The following LRBA variants were observed in gnomAD, a reference collection of about 807,000 sequenced individuals.
LRBA encodes LPS responsive beige-like anchor protein.
LRBA carries 176 observed loss-of-function variants against 330.0 expected under a neutral mutation model. The observed-to-expected ratio is 0.53, with a 90% CI of 0.47 to 0.60. The LOEUF (loss-of-function observed/expected upper bound fraction) is 0.60, where lower values mean the gene tolerates loss of function less well. LRBA is among the 20% of genes least tolerant of loss of function. The pLI is 0.00. For missense variants in LRBA, 3,259 were observed against 3,444.8 expected (o/e 0.95, Z 1.35); for synonymous variants, 1,230 against 1,193.0 (o/e 1.03, Z -0.64).
chr4:150,532,035 G>C (rs932291031), intron 40 of LRBA, among the ~76,000 whole-genome samples: 11 of 152,208 alleles, frequency 7.2e-5, no homozygotes, highest in African/African-American at 2.7e-4. Flanking sequence ...AGTGAAAACT[G>C]AAGAATAAAG....
rs750545900 is a variant in LRBA, at chr4:150,583,014, G to C, written c.6330+5034C>G. The stretch of plus-strand genomic sequence containing the variant: ...ATTGCGAGACGCCGGTGTATAGCCC[G>C]GACCTGTGCCCCAACATGATCGCCG... On this transcript the variant is annotated intron_variant, in intron 40 of 56. Coordinates refer to ENST00000651943, the MANE Select transcript of LRBA (RefSeq NM_001364905.1). The surrounding 1 kb of genome is among the most constrained non-coding windows in gnomAD (Gnocchi z 9.8). 6.4e-7 allele frequency: 1 copy of C among 1,574,380 alleles called. No individual in the cohort carries two copies.
chr4:150,270,404 A>G (rs1400884925), intron 56 of LRBA, among the ~76,000 whole-genome samples: 3 of 152,238 alleles, frequency 2.0e-5, no homozygotes, highest in Non-Finnish European at 4.4e-5. Flanking sequence ...AGAACCTTGA[A>G]AGTGTTATGC....
intron 36 of LRBA, among the ~76,000 whole-genome samples, chr4:150,695,693 C>G (rs932805127): frequency 6.6e-6 from 1 of 152,076 alleles, no homozygotes; most frequent in African/African-American, 2.4e-5. Flanking sequence ...TGTATCTTCA[C>G]AAAATATGTA....
rs115411715 is a variant in LRBA at position 150,725,336 on chromosome 4, G to A, written c.5754+9922C>T. 6.6e-3 allele frequency among the ~76,000 whole-genome samples: 1,012 copies of A among 152,208 alleles called. 15 individuals are homozygous for A. The highest frequency in any genetic ancestry group is 0.02 in the Middle Eastern group (6 of 294). ...CAAGAATAAAGAAAGGATCCTAAAT[G>A]CAGCAAGAGAAAAGAAATCACATAC... is the stretch of plus-strand genomic sequence containing the variant. On this transcript the variant is annotated intron_variant, in intron 36 of 56. Transcript: ENST00000651943.
intron 46 of LRBA, among the ~76,000 whole-genome samples, chr4:150,420,333 A>G (rs1324266647): frequency 6.9e-6 from 1 of 145,950 alleles, no homozygotes; most frequent in Non-Finnish European, 1.5e-5. Flanking sequence ...ACATTATAGT[A>G]TAAAGTATAT....
At chr4:150,621,305 T>C (rs572765492) in intron 37 of LRBA, among the ~76,000 whole-genome samples, 16 of 152,274 alleles carry the variant, frequency 1.1e-4, no homozygotes, top group African/African-American at 3.6e-4. Flanking sequence ...CTTTTAGGAG[T>C]TGTATTTTTA....
chr4:151,012,678 T>G (rs1251010123), intron 2 of LRBA: 1 of 152,208 alleles, frequency 6.6e-6, no homozygotes, highest in Non-Finnish European at 1.5e-5. Flanking sequence ...TATTTGAACA[T>G]TTCCATAATA....
intron 40 of LRBA, chr4:150,584,190 C>G (rs1394940779): frequency 4.3e-6 from 6 of 1,398,280 alleles, no homozygotes; most frequent in Non-Finnish European, 3.7e-6. Flanking sequence ...AGCAGAAACT[C>G]TGGACACAAA....
At chr4:150,405,702 G>T (rs1392311006) in intron 47 of LRBA, among the ~76,000 whole-genome samples, 2 of 152,048 alleles carry the variant, frequency 1.3e-5, no homozygotes. Context: ...CTGAGTTGGA[G>T]CAAAGCTGCT....
intron 22 of LRBA, among the ~76,000 whole-genome samples, chr4:150,857,357 T>C (rs1751345205): frequency 6.6e-6 from 1 of 152,122 alleles, no homozygotes; most frequent in Non-Finnish European, 1.5e-5. Context: ...TAAAGGTTGG[T>C]AGTACAATCC....
chr4:150,773,665 G>A (rs1736881474), intron 34 of LRBA, among the ~76,000 whole-genome samples: 2 of 152,196 alleles, frequency 1.3e-5, no homozygotes, highest in South Asian at 4.1e-4. Flanking sequence ...GCAGTTCAGT[G>A]GCTTCCACCT....
At chr4:150,683,972 G>A (rs747695233) in intron 36 of LRBA, 3 of 335,712 alleles carry the variant, frequency 8.9e-6, no homozygotes, top group Non-Finnish European at 1.6e-5. Flanking sequence ...ATGAGACAAA[G>A]ACAGTCTTGT....
chr4:150,633,179 A>G (rs1169750346), intron 37 of LRBA, among the ~76,000 whole-genome samples: 1 of 152,230 alleles, frequency 6.6e-6, no homozygotes, highest in African/African-American at 2.4e-5. Context: ...AGCTGTGTGA[A>G]CAAGACATTT....
intron 40 of LRBA, among the ~76,000 whole-genome samples, chr4:150,503,063 A>T (rs935966038): frequency 2.4e-4 from 37 of 152,214 alleles, no homozygotes; most frequent in African/African-American, 8.7e-4. Flanking sequence ...GGAAGCTCGA[A>T]CTGGGTGGAG....
At chr4:150,448,328 T>C (rs1387110124) in intron 44 of LRBA, among the ~76,000 whole-genome samples, 3 of 152,222 alleles carry the variant, frequency 2.0e-5, no homozygotes, top group Non-Finnish European at 4.4e-5. Context: ...GTTGCTGTCA[T>C]TGTAACAACA....
At chr4:150,751,092 G>A (rs959769715) in intron 35 of LRBA, among the ~76,000 whole-genome samples, 3 of 151,972 alleles carry the variant, frequency 2.0e-5, no homozygotes, top group African/African-American at 7.3e-5. Context: ...GCAATTAACA[G>A]CAACACCATG....
intron 2 of LRBA, among the ~76,000 whole-genome samples, chr4:150,959,777 A>G (rs989762983): frequency 6.2e-5 from 9 of 145,678 alleles, no homozygotes; most frequent in Non-Finnish European, 1.0e-4. Flanking sequence ...TATACTTATT[A>G]TATTATCTAT....
chr4:150,409,782 C>T (rs908756616), intron 47 of LRBA, among the ~76,000 whole-genome samples: 3 of 152,042 alleles, frequency 2.0e-5, no homozygotes, highest in South Asian at 4.1e-4. Flanking sequence ...TAGGTGTCCT[C>T]GTTTTTTAAC....
At chr4:151,010,508 A>C (rs1408556796) in intron 2 of LRBA, among the ~76,000 whole-genome samples, 2 of 152,044 alleles carry the variant, frequency 1.3e-5, no homozygotes, top group Non-Finnish European at 2.9e-5. Flanking sequence ...AGAAATTATA[A>C]ACAGGGTAGT....
Sources: gnomAD v4.1 joint callset for allele counts (sites outside exome capture counted in the v4.1 genomes callset) on GRCh38, gnomAD v4.1.1 for gene constraint, Gnocchi (gnomAD v3.1) non-coding constraint, MANE v1.5 for transcripts, NCBI Gene and HGNC (gene_info 2026-07-23, HGNC 2026-07-21) for gene names.